PKD1L3: variants seen among roughly 807,000 people sequenced by gnomAD.
The protein encoded by PKD1L3 is polycystin-1-like protein 3.
In PKD1L3, 239 loss-of-function variants were observed where a neutral mutation model predicts 184.1. The ratio of observed to expected loss-of-function variants is 1.30; its 90% CI spans 1.17 to 1.45. PKD1L3 has a LOEUF of 1.45. Among genes scored for constraint, PKD1L3 ranks in the 40% most tolerant of loss-of-function variants. The probability of loss-of-function intolerance (pLI) is 0.00; values close to 1 mark genes in which losing one functional copy is unlikely to be tolerated. For synonymous variants in PKD1L3, 996 were observed against 778.8 expected, an observed-to-expected ratio of 1.28 and a Z score of -4.64; for missense variants, 2,660 against 2,067.2, an observed-to-expected ratio of 1.29 and a Z score of -5.56.
chr16:71,955,514 G>A (rs62053803), intron 16 of PKD1L3, among the ~76,000 whole-genome samples: 108,123 of 151,804 alleles, frequency 0.71, 39,312 homozygotes, highest in East Asian at 0.97. Flanking sequence ...TTGAGACAGG[G>A]TCTTGCTGCG....
At chr16:71,974,331 C>G (rs771222616) in intron 11 of PKD1L3, among the ~76,000 whole-genome samples, 2 of 152,134 alleles carry the variant, frequency 1.3e-5, no homozygotes, top group Admixed American at 1.3e-4. Flanking sequence ...AAAAAAGGTT[C>G]CTGAAGGCCC....
rs1016504991 is a variant in PKD1L3, at chr16:71,973,997, G to A, written c.1760-480C>T. Among the ~76,000 whole-genome samples the A allele has an allele frequency of 6.1e-4, 34 of 55,398 alleles. No individual in the cohort carries two copies. The Admixed American group carries it at 7.2e-3, about 12-fold the overall frequency. 36.3% of individuals were successfully genotyped at this position (55,398 alleles called of 152,430 possible). ...AGCCTGGGCAACAGAGTGAGATTTT[G>A]TCTCAAAAAAAAAAAAAAATATATA... On this transcript the variant is annotated intron_variant, in intron 11 of 29. Transcript: ENST00000620267.
At chr16:71,932,130 A>G (rs1038801871) in intron 28 of PKD1L3, among the ~76,000 whole-genome samples, 2 of 152,238 alleles carry the variant, frequency 1.3e-5, no homozygotes, top group Admixed American at 6.5e-5. Context: ...CTGTGGATGC[A>G]GACCCTGCAG....
chr16:71,998,222 AT>A (rs2040857543), intron 2 of PKD1L3, 49 bp downstream of exon 2: 2 of 1,548,050 alleles, frequency 1.3e-6, no homozygotes, highest in Admixed American at 2.0e-5. Context: ...CTTATTTAGA[AT>A]CAGTTTCTAA....
At chr16:71,970,157 G>A in intron 12 of PKD1L3, 52 bp from the exon 13 acceptor site, 1 of 1,405,118 alleles carries the variant, frequency 7.1e-7, no homozygotes, top group Non-Finnish European at 9.8e-7. Context: ...GCTAAGGAGG[G>A]GACAGACATA....
intron 14 of PKD1L3, 126 bp from the exon 15 acceptor site, chr16:71,967,441 A>T: frequency 1.0e-6 from 1 of 975,404 alleles, no homozygotes; most frequent in East Asian, 2.6e-5. Flanking sequence ...TTAGACAAGC[A>T]TAGATAATTC....
chr16:71,952,592 T>TGGGACGCCAAGGTGGGAGGATGGC (rs1555516709), intron 18 of PKD1L3, among the ~76,000 whole-genome samples: 2 of 147,376 alleles, frequency 1.4e-5, no homozygotes, highest in East Asian at 4.3e-4. Context: ...CCCAGCACTT[T>TGGGACGCCAAGGTGGGAGGATGGC]GGGAGGCCAA....
At chr16:71,945,108 G>A (rs1416946244) in intron 22 of PKD1L3, among the ~76,000 whole-genome samples, 1 of 150,416 alleles carries the variant, frequency 6.6e-6, no homozygotes, top group Non-Finnish European at 1.5e-5. Flanking sequence ...CCTGATTCCT[G>A]TACTTAGACT....
intron 6 of PKD1L3, among the ~76,000 whole-genome samples, chr16:71,983,095 A>C (rs188169882): frequency 6.6e-5 from 10 of 152,296 alleles, no homozygotes; most frequent in Admixed American, 5.2e-4. Context: ...CCAAATATCC[A>C]ATTAATACCA....
intron 22 of PKD1L3, among the ~76,000 whole-genome samples, chr16:71,946,453 T>C (rs2143295792): frequency 6.6e-6 from 1 of 152,222 alleles, no homozygotes; most frequent in Admixed American, 6.5e-5. Context: ...CGTTTTTACA[T>C]GATTAAGATA....
intron 18 of PKD1L3, 48 bp from the exon 19 acceptor site, chr16:71,951,792 C>T (rs1597308298): frequency 6.7e-7 from 1 of 1,502,000 alleles, no homozygotes. Flanking sequence ...TTCATTAACC[C>T]AGGATTTGTA....
rs1264724899 is a variant in PKD1L3 at position 71,942,559 on chromosome 16, C to T, written c.4324+1G>A. On this transcript the variant is annotated splice_donor_variant, in intron 24 of 29. Coordinates refer to ENST00000620267, the MANE Select transcript of PKD1L3 (RefSeq NM_181536.2). LOFTEE classifies it high-confidence loss of function. ...TGAATTCCAGGGGTCACTCCAGTTA[C>T]CTCTCATGATGTAACTGAATCCATT... 6.5e-7 allele frequency: 1 copy of T among 1,549,396 alleles called. No individual in the cohort carries two copies. Among genetic ancestry groups the T allele is most frequent in the Non-Finnish European group, 8.7e-7 (1 of 1,145,280 alleles).
At position 71,937,427 on chromosome 16, in the gene PKD1L3, TAACA is replaced by T; in HGVS notation, c.4325-12_4325-9del. On this transcript the variant is annotated splice_polypyrimidine_tract_variant and intron_variant, in intron 24 of 29. Coordinates refer to ENST00000620267, the MANE Select transcript of PKD1L3 (RefSeq NM_181536.2). ...AAGAGGTGAAGAAAGCACCTGAGAA[TAACA>T]AAGAACACCTGGAGTCAAGAGTCTA... 1.3e-6 allele frequency: 2 copies of T among 1,549,862 alleles called. No homozygotes were observed. The highest frequency in any genetic ancestry group is 2.4e-5 in the South Asian group (2 of 83,702).
Position 71,998,329 on chromosome 16 carries a change from G to A in PKD1L3, c.361C>T (p.Arg121Trp), listed in dbSNP as rs756058192. The change falls in exon 2 of 30, where the codon CGG (arginine) becomes TGG (tryptophan). Residue 121 changes from arginine (R) to tryptophan (W), a missense_variant. By Grantham distance (101) the Arg-to-Trp change is moderately radical. Transcript: ENST00000620267. ...CACTTGTCCCCTTTGGATGAGATCCGAATGAAGTTTCTGGACAGGTAGGTG... is the reference window on the plus strand; with the variant it reads ...CACTTGTCCCCTTTGGATGAGATCCAAATGAAGTTTCTGGACAGGTAGGTG... ...SCTYLSRNFI[R>W]ISSKGDKCLL... 1.8e-5 allele frequency: 28 copies of A among 1,552,078 alleles called. No individual in the cohort carries two copies. The Middle Eastern group carries it at 5.0e-4, about 28-fold the overall frequency.
chr16:71,998,331 AT>A lies in PKD1L3; in HGVS notation c.358del (p.Ile120PhefsTer12), dbSNP rs199828137. On this transcript the variant is annotated frameshift_variant, in exon 2 of 30. Transcript: ENST00000620267. LOFTEE classifies it high-confidence loss of function. ...LSCTYLSRNF[I>X]RISSKGDKCL... Reference sequence around the variant, plus strand: ...CTTGTCCCCTTTGGATGAGATCCGAATGAAGTTTCTGGACAGGTAGGTGCAG... The same window carrying A: ...CTTGTCCCCTTTGGATGAGATCCGAAGAAGTTTCTGGACAGGTAGGTGCAG... 9.7e-6 allele frequency: 15 copies of A among 1,552,114 alleles called. No homozygotes were observed. The East Asian group carries it at 3.7e-4, about 38-fold the overall frequency.
chr16:71,960,566 T>TAACA (rs140610270), intron 16 of PKD1L3, among the ~76,000 whole-genome samples: 70,684 of 150,872 alleles, frequency 0.47, 17,164 homozygotes, highest in South Asian at 0.57. Context: ...CCAGAAGAAA[T>TAACA]AACATACACT....
rs997665108 is a variant in PKD1L3 at position 71,984,037 on chromosome 16, T to C, written c.965A>G (p.Gln322Arg). The C allele has an allele frequency of 3.9e-6, 6 of 1,551,832 alleles. No homozygotes were observed. Among genetic ancestry groups the C allele is most frequent in the Middle Eastern group, 1.7e-4 (1 of 5,996 alleles). The change falls in exon 6 of 30, where the codon CAG becomes CGG. Residue 322 changes from glutamine (Q) to arginine (R), a missense_variant and splice_region_variant. By Grantham distance (43) the Gln-to-Arg change is conservative. Coordinates refer to ENST00000620267, the MANE Select transcript of PKD1L3 (RefSeq NM_181536.2). ...CCCTCCCAGTCACCCTCCACTTACC[T>C]GAGCTGGCTTAGAAAATCTTGGGGT... ...ALTPRFSKPA[Q>R]VNLINSLIYL...
chr16:71,935,748 T>C (rs936677656), intron 25 of PKD1L3, among the ~76,000 whole-genome samples: 1 of 152,260 alleles, frequency 6.6e-6, no homozygotes, highest in Non-Finnish European at 1.5e-5. Flanking sequence ...ACATTTATTC[T>C]TTTTCTTGGA....
In PKD1L3 at chr16:71,944,508, C is replaced by T. The variant is rs535882614; in HGVS notation, c.3719-338G>A. Among the ~76,000 whole-genome samples the T allele has an allele frequency of 3.3e-5, 5 of 151,978 alleles. No homozygotes were observed. In the South Asian group the frequency reaches 6.2e-4, roughly 19 times the overall value. ...GACCAGCCTGGTCAACATAGTGAGA[C>T]GTTGTCTCTACAAAAAAATAAAAAA... is the stretch of plus-strand genomic sequence containing the variant. On this transcript the variant is annotated intron_variant, in intron 22 of 29. Transcript: ENST00000620267.
Sources: allele counts gnomAD v4.1 joint callset (sites outside exome capture counted in the v4.1 genomes callset), GRCh38; gene constraint gnomAD v4.1.1; transcripts MANE v1.5; gene names NCBI Gene and HGNC (gene_info 2026-07-23, HGNC 2026-07-21).